ANKRD44: variants seen among roughly 807,000 people sequenced by gnomAD.
ANKRD44 encodes the protein ankyrin repeat domain 44.
A neutral mutation model predicts 116.0 loss-of-function variants in ANKRD44; 35 were observed. The observed-to-expected ratio is 0.30, with a 90% CI of 0.23 to 0.40. The LOEUF is 0.40. Among genes scored for constraint, ANKRD44 ranks in the 10% least tolerant of loss-of-function variants. The pLI, the probability that ANKRD44 is intolerant of heterozygous loss-of-function variation, is 1.00. For synonymous variants in ANKRD44, 435 were observed against 461.8 expected (o/e 0.94, Z 0.74); for missense variants, 1,014 against 1,242.6 (o/e 0.82, Z 2.77).
chr2:197,272,492 T>A (rs2082927965), intron 1 of ANKRD44, among the ~76,000 whole-genome samples: 1 of 152,210 alleles, frequency 6.6e-6, no homozygotes, highest in East Asian at 1.9e-4. Context: ...CGCCTTGGCC[T>A]CCCAAAGTGC....
chr2:197,211,208 G>A (rs542465280), intron 1 of ANKRD44, among the ~76,000 whole-genome samples: 1 of 152,190 alleles, frequency 6.6e-6, no homozygotes, highest in African/African-American at 2.4e-5. Flanking sequence ...ACCAGCACAC[G>A]TGGGCAGGGA....
At chr2:197,162,375 A>T (rs2079988305) in intron 2 of ANKRD44, among the ~76,000 whole-genome samples, 1 of 152,154 alleles carries the variant, frequency 6.6e-6, no homozygotes, top group Non-Finnish European at 1.5e-5. Flanking sequence ...TTTATTTCTA[A>T]GAATTGGTAT....
intron 1 of ANKRD44, chr2:197,301,134 A>T (rs2083896353): frequency 6.6e-6 from 1 of 152,164 alleles, no homozygotes; most frequent in Admixed American, 6.6e-5. Context: ...ATCCTCTCAT[A>T]AAAATATTAG....
At chr2:197,012,891 T>C (rs2076324565) in intron 18 of ANKRD44, among the ~76,000 whole-genome samples, 1 of 152,246 alleles carries the variant, frequency 6.6e-6, no homozygotes, top group Non-Finnish European at 1.5e-5. Flanking sequence ...CTCTTCCATA[T>C]TACCCTTATG....
chr2:197,065,076 A>G (rs2077401866), intron 16 of ANKRD44, among the ~76,000 whole-genome samples: 1 of 152,242 alleles, frequency 6.6e-6, no homozygotes, highest in South Asian at 2.1e-4. Flanking sequence ...CAGCAAATGT[A>G]AAAGAACAGA....
At chr2:197,133,947 C>CTTTCTTTTTTTTTTTTTT (rs1574519359) in intron 4 of ANKRD44, 5 of 56,460 alleles carry the variant, frequency 8.9e-5, no homozygotes, top group Admixed American at 3.1e-4. Context: ...CTTTTTCTTT[C>CTTTCTTTTTTTTTTTTTT]TTTTTTTTTT....
rs115252622 is a variant in ANKRD44, at chr2:197,155,261, G to A, written c.112-8156C>T. Among the ~76,000 whole-genome samples the A allele has an allele frequency of 4.3e-3, 652 of 152,308 alleles. 3 individuals carry two copies. The highest frequency in any genetic ancestry group is 0.014 in the African/African-American group (597 of 41,570). Reference sequence around the variant, plus strand: ...ACTGTTGAGGAACCTGAGATTTTGAGGTGATGAGTAACTTGTCCAGAGTCA... The same window carrying A: ...ACTGTTGAGGAACCTGAGATTTTGAAGTGATGAGTAACTTGTCCAGAGTCA... On this transcript the variant is annotated intron_variant, in intron 2 of 27. Coordinates refer to ENST00000282272, the MANE Select transcript of ANKRD44 (RefSeq NM_001195144.2).
rs137930548 is a variant in ANKRD44 at position 197,075,890 on chromosome 2, A to C, written c.1650+2813T>G. Among the ~76,000 whole-genome samples the C allele has an allele frequency of 1.8e-3, 269 of 152,298 alleles. 1 individual carries two copies. The highest frequency in any genetic ancestry group is 6.1e-3 in the African/African-American group (255 of 41,570). The stretch of plus-strand genomic sequence containing the variant: ...CATCAAATTTAATGATACATATTTA[A>C]TGATATGTATAATCACTGTAATTGC... On this transcript the variant is annotated intron_variant, in intron 16 of 27. Coordinates refer to ENST00000282272, the MANE Select transcript of ANKRD44 (RefSeq NM_001195144.2).
chr2:197,286,228 A>C lies in ANKRD44; in HGVS notation c.27+24350T>G, dbSNP rs183619074. Among the ~76,000 whole-genome samples the C allele has an allele frequency of 3.3e-5, 5 of 152,366 alleles. No homozygotes were observed. In the East Asian group the frequency reaches 9.6e-4, roughly 29 times the overall value. ...AACTGAGCATATTTCTATTTAAATT[A>C]ACTGTCTCAATTTGAAAGCAATTTG... On this transcript the variant is annotated intron_variant, in intron 1 of 27. Coordinates refer to ENST00000282272, the MANE Select transcript of ANKRD44 (RefSeq NM_001195144.2).
chr2:197,246,350 C>CATTTTT (rs1401035545), intron 1 of ANKRD44, among the ~76,000 whole-genome samples: 1 of 65,876 alleles, frequency 1.5e-5, no homozygotes, highest in East Asian at 6.3e-4. Flanking sequence ...CTACATCTGG[C>CATTTTT]TTTTTTTTTT....
chr2:197,154,733 G>C (rs556788607), intron 2 of ANKRD44, among the ~76,000 whole-genome samples: 1 of 152,236 alleles, frequency 6.6e-6, no homozygotes, highest in East Asian at 1.9e-4. Flanking sequence ...TAGATTTACA[G>C]TCCTTATTCA....
At chr2:197,263,240 T>G (rs902561547) in intron 1 of ANKRD44, 2 of 542,210 alleles carry the variant, frequency 3.7e-6, no homozygotes. Context: ...CCTCAGCAGC[T>G]TGGTAGTCTC....
At chr2:197,245,282 A>C (rs1313157917) in intron 1 of ANKRD44, among the ~76,000 whole-genome samples, 1 of 152,190 alleles carries the variant, frequency 6.6e-6, no homozygotes, top group African/African-American at 2.4e-5. Flanking sequence ...AATACAAATA[A>C]AAAGATATAG....
At chr2:197,023,227 A>G (rs1440706139) in intron 17 of ANKRD44, among the ~76,000 whole-genome samples, 1 of 152,210 alleles carries the variant, frequency 6.6e-6, no homozygotes, top group African/African-American at 2.4e-5. Flanking sequence ...AGGTACTGCT[A>G]TTCTCATATC....
chr2:197,189,546 A>G (rs2080771830), intron 1 of ANKRD44, among the ~76,000 whole-genome samples: 1 of 152,236 alleles, frequency 6.6e-6, no homozygotes, highest in Non-Finnish European at 1.5e-5. Flanking sequence ...CAAGACACAG[A>G]GCCAGACACA....
At chr2:197,018,974 A>C (rs942890149) in intron 17 of ANKRD44, among the ~76,000 whole-genome samples, 4 of 152,292 alleles carry the variant, frequency 2.6e-5, no homozygotes, top group South Asian at 2.1e-4. Flanking sequence ...CTGAACCCAG[A>C]ATCTGTCACT....
intron 1 of ANKRD44, among the ~76,000 whole-genome samples, chr2:197,250,614 T>C (rs1164257204): frequency 2.6e-5 from 4 of 152,238 alleles, no homozygotes; most frequent in Non-Finnish European, 5.9e-5. Context: ...TGAGCACATC[T>C]AGTACCAGGC....
chr2:197,174,478 C>G (rs2080317471), intron 2 of ANKRD44, among the ~76,000 whole-genome samples: 2 of 152,166 alleles, frequency 1.3e-5, no homozygotes, highest in Non-Finnish European at 2.9e-5. Context: ...ACAAACTGTT[C>G]ACATATGTAA....
intron 2 of ANKRD44, among the ~76,000 whole-genome samples, chr2:197,151,681 C>T (rs2079655967): frequency 6.6e-6 from 1 of 152,066 alleles, no homozygotes; most frequent in Non-Finnish European, 1.5e-5. Flanking sequence ...CTATTATATG[C>T]CAGACATTGT....
Sources: allele counts gnomAD v4.1 joint callset (sites outside exome capture counted in the v4.1 genomes callset), GRCh38; gene constraint gnomAD v4.1.1; transcripts MANE v1.5; gene names NCBI Gene and HGNC (gene_info 2026-07-23, HGNC 2026-07-21).